TMEM207: variants seen among roughly 807,000 people sequenced by gnomAD.
TMEM207 encodes the protein SRSR846.
TMEM207 carries 15 observed loss-of-function variants against 17.4 expected under a neutral mutation model. The observed-to-expected ratio is 0.86, with a 90% CI of 0.58 to 1.33. The LOEUF (loss-of-function observed/expected upper bound fraction) is 1.33, where lower values mean the gene tolerates loss of function less well. TMEM207 is among the 40% of genes most tolerant of loss of function. The probability of loss-of-function intolerance (pLI) is 0.00; values close to 1 mark genes in which losing one functional copy is unlikely to be tolerated. For missense variants in TMEM207, 205 were observed against 173.8 expected (o/e 1.18, Z -1.01); for synonymous variants, 70 against 65.6 (o/e 1.07, Z -0.33).
Position 190,449,820 on chromosome 3 carries a change from C to G in TMEM207, c.-11G>C, listed in dbSNP as rs1465125287. 2.5e-6 allele frequency: 4 copies of G among 1,612,786 alleles called. No homozygotes were observed. Among genetic ancestry groups the G allele is most frequent in the African/African-American group, 1.3e-5 (1 of 74,870 alleles). On this transcript the variant is annotated 5_prime_UTR_variant, in exon 1 of 5. Transcript: ENST00000354905. ...TCTGGATCTTGACATATTTAAAGGA[C>G]AGTCAACTTAGGATAGTGGTTTGGT...
intron 2 of TMEM207, among the ~76,000 whole-genome samples, 193 bp downstream of exon 2, chr3:190,447,597 G>A (rs1259170733): frequency 1.3e-5 from 2 of 151,876 alleles, no homozygotes; most frequent in Non-Finnish European, 2.9e-5. Flanking sequence ...AAAGCTGATC[G>A]TAATGAAAAT....
Position 190,449,882 on chromosome 3 carries a change from G to A in TMEM207, c.-73C>T. 7.4e-7 allele frequency: 1 copy of A among 1,357,864 alleles called. No individual in the cohort carries two copies. The highest frequency in any genetic ancestry group is 1.1e-6 in the Non-Finnish European group (1 of 951,518). 84.1% of individuals were successfully genotyped at this position (1,357,864 alleles called of 1,614,324 possible). On this transcript the variant is annotated 5_prime_UTR_variant, in exon 1 of 5. Coordinates refer to ENST00000354905, the MANE Select transcript of TMEM207 (RefSeq NM_207316.3). ...TTTCCTTCTTTCTCAGAACTTACTA[G>A]CTTCTCTATAAGTTATGCTTCCTAC... is the stretch of plus-strand genomic sequence containing the variant.
intron 4 of TMEM207, among the ~76,000 whole-genome samples, chr3:190,438,201 C>T (rs915768027): frequency 1.3e-5 from 2 of 151,778 alleles, no homozygotes; most frequent in Non-Finnish European, 2.9e-5. Context: ...ACATATGTAA[C>T]TACCCTGCAC....
At chr3:190,434,412 C>A (rs1195576316) in intron 4 of TMEM207, among the ~76,000 whole-genome samples, 1 of 152,134 alleles carries the variant, frequency 6.6e-6, no homozygotes, top group East Asian at 1.9e-4. Context: ...TTTGCATCTT[C>A]CTTACTCTCT....
intron 2 of TMEM207, among the ~76,000 whole-genome samples, chr3:190,445,296 C>T (rs1720020640): frequency 6.6e-6 from 1 of 152,128 alleles, no homozygotes; most frequent in Non-Finnish European, 1.5e-5. Context: ...ACATCAGTGT[C>T]CTTGGCTATT....
intron 1 of TMEM207, among the ~76,000 whole-genome samples, chr3:190,448,086 G>T (rs530286305): frequency 3.3e-5 from 5 of 151,972 alleles, no homozygotes; most frequent in African/African-American, 7.2e-5. Flanking sequence ...TGGATTTTAC[G>T]ACAATTTTTG....
intron 4 of TMEM207, among the ~76,000 whole-genome samples, chr3:190,434,826 G>A (rs963379653): frequency 2.0e-5 from 3 of 152,216 alleles, no homozygotes; most frequent in Admixed American, 2.0e-4. Flanking sequence ...TCCAGAAGAT[G>A]AGTGAAGTTC....
chr3:190,441,994 A>C (rs755149698), intron 2 of TMEM207, among the ~76,000 whole-genome samples: 6 of 152,226 alleles, frequency 3.9e-5, no homozygotes, highest in Non-Finnish European at 7.3e-5. Context: ...GAGGAAAATG[A>C]ATGAACGTGG....
rs1255955477 is a variant in TMEM207, at chr3:190,428,667, A to G, written c.*928T>C. On this transcript the variant is annotated 3_prime_UTR_variant, in exon 5 of 5. Transcript: ENST00000354905. ...TGGTCAAACTAAATTTTAGATATCTATTGATGTTTATTGTTTTGTTCAACA... is the reference window on the plus strand; with the variant it reads ...TGGTCAAACTAAATTTTAGATATCTGTTGATGTTTATTGTTTTGTTCAACA... The G allele has an allele frequency of 1.3e-5, 2 of 152,178 alleles. No homozygotes were observed. Among genetic ancestry groups the G allele is most frequent in the Non-Finnish European group, 2.9e-5 (2 of 68,034 alleles). 9.4% of individuals were successfully genotyped at this position (152,178 alleles called of 1,614,324 possible). A position where few individuals can be genotyped will look rare whatever the true frequency, so the allele number is the denominator to read the frequency against.
chr3:190,441,486 G>C lies in TMEM207; in HGVS notation c.114-4C>G, dbSNP rs769187991. On this transcript the variant is annotated splice_polypyrimidine_tract_variant and splice_region_variant and intron_variant, in intron 2 of 4. Transcript: ENST00000354905. Reference sequence around the variant, plus strand: ...TTGGTCATTATAATTTACACACCTGGTGATAAAGGGAGAGCGTTAGTCCTG... The same window carrying C: ...TTGGTCATTATAATTTACACACCTGCTGATAAAGGGAGAGCGTTAGTCCTG... 1.2e-6 allele frequency: 2 copies of C among 1,610,480 alleles called. No individual in the cohort carries two copies. The highest frequency in any genetic ancestry group is 4.5e-5 in the East Asian group (2 of 44,836).
chr3:190,430,508 T>TAA (rs1236491296), intron 4 of TMEM207, among the ~76,000 whole-genome samples: 3 of 150,944 alleles, frequency 2.0e-5, no homozygotes, highest in East Asian at 3.9e-4. Flanking sequence ...ACTATATATA[T>TAA]AAAGATGGTT....
rs965981434 is a variant in TMEM207 at position 190,449,890 on chromosome 3, A to G, written c.-81T>C. ...TTTCTCAGAACTTACTAGCTTCTCT[A>G]TAAGTTATGCTTCCTACCAGGACAT... On this transcript the variant is annotated 5_prime_UTR_variant, in exon 1 of 5. Transcript: ENST00000354905. 29 of 1,281,004 alleles carry G rather than the reference A, an allele frequency of 2.3e-5. No individual in the cohort carries two copies. The South Asian group carries it at 2.6e-4, about 11-fold the overall frequency. The allele number at this position is 1,281,004 out of a possible 1,614,324, so 79.4% of individuals were successfully genotyped here. A position where few individuals can be genotyped will look rare whatever the true frequency, so the allele number is the denominator to read the frequency against.
chr3:190,445,529 GTGT>G (rs1289396166), intron 2 of TMEM207, among the ~76,000 whole-genome samples: 7 of 152,296 alleles, frequency 4.6e-5, no homozygotes, highest in Non-Finnish European at 8.8e-5. Flanking sequence ...AAATAGACCA[GTGT>G]TGTTGTTATT....
rs1186123660 is a variant in TMEM207, at chr3:190,449,743, G to A, written c.67C>T (p.Leu23=). 2 of 1,613,780 alleles carry A rather than the reference G, an allele frequency of 1.2e-6. No individual in the cohort carries two copies. The highest frequency in any genetic ancestry group is 2.2e-5 in the East Asian group (1 of 44,858). Residue 23 remains leucine (L), a synonymous_variant, in exon 1 of 5, where the codon CTA becomes TTA. Coordinates refer to ENST00000354905, the MANE Select transcript of TMEM207 (RefSeq NM_207316.3). Reference sequence around the variant, plus strand: ...GAAAGAGAGATAGTTACCTGGAATAGCGGCAAACACAAGATCCCTATCGTT... The same window carrying A: ...GAAAGAGAGATAGTTACCTGGAATAACGGCAAACACAAGATCCCTATCGTT... ...ISTIGILCLP[L]FQLVLSDLPC... is the part of the protein sequence containing the mutation.
intron 2 of TMEM207, 91 bp downstream of exon 2, chr3:190,447,699 A>T: frequency 7.6e-7 from 1 of 1,308,530 alleles, no homozygotes; most frequent in Non-Finnish European, 1.1e-6. Flanking sequence ...TTGAAACTCA[A>T]CTGGGCTTTT....
intron 4 of TMEM207, among the ~76,000 whole-genome samples, chr3:190,434,762 G>A (rs1719764969): frequency 6.6e-6 from 1 of 152,192 alleles, no homozygotes; most frequent in Non-Finnish European, 1.5e-5. Context: ...AAGACATGAG[G>A]TCATTGAGCG....
intron 2 of TMEM207, 151 bp from the exon 3 acceptor site, chr3:190,441,633 C>A: frequency 1.6e-6 from 1 of 611,074 alleles, no homozygotes; most frequent in East Asian, 2.8e-5. Context: ...GCACCCAGCA[C>A]AATTATGCAA....
chr3:190,441,941 T>C (rs1375216280), intron 2 of TMEM207, among the ~76,000 whole-genome samples: 1 of 152,208 alleles, frequency 6.6e-6, no homozygotes, highest in Admixed American at 6.5e-5. Context: ...GACAACTGTT[T>C]GCCCTCTTGT....
chr3:190,443,276 C>A (rs973401855), intron 2 of TMEM207, among the ~76,000 whole-genome samples: 1 of 151,682 alleles, frequency 6.6e-6, no homozygotes, highest in African/African-American at 2.4e-5. Flanking sequence ...GAAAATAGCC[C>A]CTTTACTTAT....
Sources: gnomAD v4.1 joint callset for allele counts (sites outside exome capture counted in the v4.1 genomes callset) on GRCh38, gnomAD v4.1.1 for gene constraint, MANE v1.5 for transcripts, NCBI Gene and HGNC (gene_info 2026-07-23, HGNC 2026-07-21) for gene names.